The following PAPPA2 variants were observed in gnomAD, a reference collection of about 807,000 sequenced individuals.
PAPPA2 encodes the protein pappalysin-2.
PAPPA2 carries 86 observed loss-of-function variants against 176.4 expected under a neutral mutation model. That is an observed-to-expected ratio of 0.49 (90% CI 0.41 to 0.58). The LOEUF is 0.58. Among genes scored for constraint, PAPPA2 ranks in the 20% least tolerant of loss-of-function variants. The pLI, the probability that PAPPA2 is intolerant of heterozygous loss-of-function variation, is 0.00. For missense variants in PAPPA2, 2,073 were observed against 2,256.9 expected, an observed-to-expected ratio of 0.92 and a Z score of 1.65; for synonymous variants, 809 against 852.2, an observed-to-expected ratio of 0.95 and a Z score of 0.88.
intron 20 of PAPPA2, among the ~76,000 whole-genome samples, chr1:176,796,632 T>TTTC (rs1665444852): frequency 8.1e-6 from 1 of 123,504 alleles, no homozygotes; most frequent in Non-Finnish European, 1.8e-5. Flanking sequence ...TTCTTTCTTT[T>TTTC]TCTTTCTTTT....
At chr1:176,748,722 G>T (rs747034895) in intron 14 of PAPPA2, among the ~76,000 whole-genome samples, 29 of 152,066 alleles carry the variant, frequency 1.9e-4, no homozygotes, top group Non-Finnish European at 7.4e-5. Flanking sequence ...TCTATGTTTA[G>T]ATTTGTTTAA....
Position 176,840,228 on chromosome 1 carries a change from A to C in PAPPA2, c.5258A>C (p.Tyr1753Ser), listed in dbSNP as rs753712379. 4 of 1,613,502 alleles carry C rather than the reference A, an allele frequency of 2.5e-6. No individual in the cohort carries two copies. ...DTINNRAYCH[Y>S]DGGDCCSSTL... ...ATCAACAACCGAGCCTACTGCCACTATGACGGGGGAGACTGCTGCTCTTCC... is the reference window on the plus strand; with the variant it reads ...ATCAACAACCGAGCCTACTGCCACTCTGACGGGGGAGACTGCTGCTCTTCC... The change falls in exon 22 of 23, where the codon TAT becomes TCT. Residue 1753 changes from tyrosine to serine, a missense_variant. Tyr to Ser is a moderately radical substitution (Grantham distance 144, BLOSUM62 -2). Transcript: ENST00000367662.
intron 12 of PAPPA2, among the ~76,000 whole-genome samples, chr1:176,723,189 C>A (rs1218982430): frequency 6.6e-6 from 1 of 152,168 alleles, no homozygotes; most frequent in African/African-American, 2.4e-5. Context: ...TGGCATTAAT[C>A]TGTTCATGAC....
chr1:176,837,920 T>G (rs1314869049), intron 21 of PAPPA2, among the ~76,000 whole-genome samples: 1 of 152,170 alleles, frequency 6.6e-6, no homozygotes, highest in African/African-American at 2.4e-5. Context: ...GAGACTCTGT[T>G]TGTTGAGGGT....
intron 4 of PAPPA2, among the ~76,000 whole-genome samples, chr1:176,684,752 G>A (rs922849871): frequency 6.6e-6 from 1 of 152,086 alleles, no homozygotes; most frequent in African/African-American, 2.4e-5. Flanking sequence ...AATAATTTGA[G>A]GTCTATGAAG....
chr1:176,596,250 C>G (rs1653976035), intron 3 of PAPPA2, among the ~76,000 whole-genome samples: 1 of 152,182 alleles, frequency 6.6e-6, no homozygotes, highest in South Asian at 2.1e-4. Context: ...CCACTGCACT[C>G]AGAATAAAAT....
chr1:176,723,969 A>G (rs1661743686), intron 12 of PAPPA2, among the ~76,000 whole-genome samples: 1 of 152,218 alleles, frequency 6.6e-6, no homozygotes. Context: ...TAAAATAAGA[A>G]TCAAAGACTC....
At chr1:176,694,507 G>A (rs1248723748) in intron 6 of PAPPA2, among the ~76,000 whole-genome samples, 1 of 152,240 alleles carries the variant, frequency 6.6e-6, no homozygotes, top group Non-Finnish European at 1.5e-5. Flanking sequence ...GGGAGCAGCT[G>A]TCATAATCAC....
chr1:176,485,944 C>A (rs1177724717), intron 1 of PAPPA2, among the ~76,000 whole-genome samples: 2 of 152,162 alleles, frequency 1.3e-5, no homozygotes, highest in African/African-American at 4.8e-5. Flanking sequence ...AGTGACTACA[C>A]AAAGGAAAGG....
At chr1:176,579,995 CT>C (rs926483339) in intron 2 of PAPPA2, among the ~76,000 whole-genome samples, 1 of 152,068 alleles carries the variant, frequency 6.6e-6, no homozygotes, top group Non-Finnish European at 1.5e-5. Flanking sequence ...AAACATTTAT[CT>C]TTTTTTGTAT....
chr1:176,746,942 CTG>C (rs1558558671), intron 14 of PAPPA2, among the ~76,000 whole-genome samples: 1 of 152,122 alleles, frequency 6.6e-6, no homozygotes, highest in Non-Finnish European at 1.5e-5. Flanking sequence ...AAGAGATAGA[CTG>C]TTGTTCAAAA....
intron 1 of PAPPA2, among the ~76,000 whole-genome samples, chr1:176,508,730 C>A (rs1371920696): frequency 6.6e-6 from 1 of 151,936 alleles, no homozygotes; most frequent in African/African-American, 2.4e-5. Flanking sequence ...GGGTGGATTT[C>A]TCCCTTGCTG....
chr1:176,599,163 ACACCCATATAT>A (rs1654152767), intron 3 of PAPPA2, among the ~76,000 whole-genome samples: 5 of 151,894 alleles, frequency 3.3e-5, no homozygotes, highest in Admixed American at 3.3e-4. Context: ...ATATATATAT[ACACCCATATAT>A]GTATGTATGT....
chr1:176,659,967 A>G (rs143178981), intron 3 of PAPPA2, among the ~76,000 whole-genome samples: 170 of 152,196 alleles, frequency 1.1e-3, no homozygotes, highest in Middle Eastern at 6.8e-3. Context: ...TTTTATATGA[A>G]ATCAAATTTC....
At chr1:176,592,355 A>G (rs1653719919) in intron 2 of PAPPA2, among the ~76,000 whole-genome samples, 1 of 152,196 alleles carries the variant, frequency 6.6e-6, no homozygotes, top group African/African-American at 2.4e-5. Context: ...TCTCACAAGT[A>G]ATATAGATGA....
rs572568917 is a variant in PAPPA2, at chr1:176,511,767, G to A, written c.-916-43640G>A. Among the ~76,000 whole-genome samples the A allele has an allele frequency of 3.3e-5, 5 of 152,082 alleles. No individual in the cohort carries two copies. In the East Asian group the frequency reaches 5.8e-4, roughly 18 times the overall value. On this transcript the variant is annotated intron_variant, in intron 1 of 22. Transcript: ENST00000367662. Reference sequence around the variant, plus strand: ...TTAGCTTGGCATATCCAATTTTTCCGGGCTTCTGACATTGGCACTCCTGGT... The same window carrying A: ...TTAGCTTGGCATATCCAATTTTTCCAGGCTTCTGACATTGGCACTCCTGGT...
intron 4 of PAPPA2, among the ~76,000 whole-genome samples, chr1:176,685,544 A>G (rs1441687254): frequency 6.6e-6 from 1 of 152,194 alleles, no homozygotes; most frequent in Non-Finnish European, 1.5e-5. Context: ...ATGCTGGTTC[A>G]TTTGAATATT....
intron 21 of PAPPA2, among the ~76,000 whole-genome samples, chr1:176,819,358 A>C (rs1405450450): frequency 1.3e-5 from 2 of 151,920 alleles, no homozygotes; most frequent in Non-Finnish European, 2.9e-5. Context: ...GGTTAGCATC[A>C]CTCTGTACTG....
At chr1:176,779,010 G>A (rs533753540) in intron 17 of PAPPA2, among the ~76,000 whole-genome samples, 2 of 152,234 alleles carry the variant, frequency 1.3e-5, no homozygotes, top group South Asian at 4.1e-4. Flanking sequence ...CGGGCTACAA[G>A]GGGCCTGGTG....
Sources: allele counts gnomAD v4.1 joint callset (sites outside exome capture counted in the v4.1 genomes callset), GRCh38; gene constraint gnomAD v4.1.1; transcripts MANE v1.5; gene names NCBI Gene and HGNC (gene_info 2026-07-23, HGNC 2026-07-21).